The following DOCK8 variants were observed in gnomAD, a reference collection of about 807,000 sequenced individuals.
The protein encoded by DOCK8 is dedicator of cytokinesis protein 8.
A neutral mutation model predicts 245.6 loss-of-function variants in DOCK8; 141 were observed. The ratio of observed to expected loss-of-function variants is 0.57; its 90% CI spans 0.50 to 0.66. The LOEUF (loss-of-function observed/expected upper bound fraction) is 0.66. DOCK8 is among the 30% of genes least tolerant of loss of function. The probability of loss-of-function intolerance (pLI) is 0.00; values close to 1 mark genes in which losing one functional copy is unlikely to be tolerated. For missense variants in DOCK8, 2,965 were observed against 2,603.4 expected (o/e 1.14, Z -3.02); for synonymous variants, 1,168 against 970.2 (o/e 1.20, Z -3.79).
intron 14 of DOCK8, among the ~76,000 whole-genome samples, chr9:359,038 A>G (rs1212682340): frequency 6.6e-6 from 1 of 152,222 alleles, no homozygotes; most frequent in Non-Finnish European, 1.5e-5. Context: ...GTTAAAATGT[A>G]GGTTCTCATC....
At position 441,726 on chromosome 9, in the gene DOCK8, A is replaced by G. The variant is rs1031004650; in HGVS notation, c.5356-149A>G. ...TATTTCTGAAGTTTATTCCATAAGC[A>G]TTAAATTTTTTTAAGGAGTAATTTC... On this transcript the variant is annotated intron_variant, in intron 41 of 47. Coordinates refer to ENST00000432829, the MANE Select transcript of DOCK8 (RefSeq NM_203447.4). 34 of 1,032,408 alleles carry G rather than the reference A, an allele frequency of 3.3e-5. No homozygotes were observed. In the African/African-American group the frequency reaches 5.0e-4, roughly 15 times the overall value. 64.0% of individuals were successfully genotyped at this position (1,032,408 alleles called of 1,614,324 possible).
At chr9:353,208 A>T (rs1186258869) in intron 14 of DOCK8, among the ~76,000 whole-genome samples, 19 of 152,136 alleles carry the variant, frequency 1.2e-4, no homozygotes, top group Admixed American at 1.2e-3. Context: ...AAGTTCTCCT[A>T]CCTCCAAAAC....
Position 465,233 on chromosome 9 carries a change from T to C in DOCK8, c.*1014T>C, listed in dbSNP as rs530493285. On this transcript the variant is annotated 3_prime_UTR_variant, in exon 48 of 48. Coordinates refer to ENST00000432829, the MANE Select transcript of DOCK8 (RefSeq NM_203447.4). ...CTGTGACCTTGACTGATAATAAAGA[T>C]GTAATAAGAATTGCAAGCTAAATGT... 1.1e-3 allele frequency: 171 copies of C among 152,768 alleles called. 1 individual carries two copies. Among genetic ancestry groups the C allele is most frequent in the Middle Eastern group, 3.4e-3 (1 of 294 alleles). 9.5% of individuals were successfully genotyped at this position (152,768 alleles called of 1,614,324 possible). A position where few individuals can be genotyped will look rare whatever the true frequency, so the allele number is the denominator to read the frequency against.
intron 30 of DOCK8, among the ~76,000 whole-genome samples, chr9:418,558 G>T (rs1315052090): frequency 6.6e-6 from 1 of 152,178 alleles, no homozygotes; most frequent in Non-Finnish European, 1.5e-5. Flanking sequence ...GTGAGCCACT[G>T]TGCCCAGCCT....
At chr9:439,434 G>C in intron 40 of DOCK8, 46 bp downstream of exon 40, 1 of 1,606,844 alleles carries the variant, frequency 6.2e-7, no homozygotes, top group Non-Finnish European at 8.5e-7. Flanking sequence ...CCATACTCCA[G>C]CTGGACTTGG....
chr9:329,618 A>T (rs2050917210), intron 9 of DOCK8, among the ~76,000 whole-genome samples: 1 of 152,254 alleles, frequency 6.6e-6, no homozygotes, highest in African/African-American at 2.4e-5. Flanking sequence ...TTAGACATAC[A>T]GGAAAATTAA....
intron 1 of DOCK8, among the ~76,000 whole-genome samples, chr9:267,801 T>A (rs1037713309): frequency 6.6e-6 from 1 of 152,368 alleles, no homozygotes; most frequent in East Asian, 1.9e-4. Context: ...TTCTTTCCAA[T>A]GTGGGATGCT....
chr9:415,145 G>A (rs1320844226), intron 29 of DOCK8, among the ~76,000 whole-genome samples, 194 bp downstream of exon 29: 1 of 152,108 alleles, frequency 6.6e-6, no homozygotes, highest in Non-Finnish European at 1.5e-5. Context: ...AGCCCCATAT[G>A]TGTTTTTTGT....
chr9:270,611 G>A (rs372507800), intron 1 of DOCK8, among the ~76,000 whole-genome samples: 3 of 152,138 alleles, frequency 2.0e-5, no homozygotes, highest in African/African-American at 7.2e-5. Context: ...CCTAGCACAC[G>A]TTTTCACAGA....
At chr9:287,107 T>C (rs13283984) in intron 3 of DOCK8, among the ~76,000 whole-genome samples, 3,934 of 152,322 alleles carry the variant, frequency 0.026, 78 homozygotes, top group Non-Finnish European at 0.042. Flanking sequence ...AACCCACATT[T>C]ATTGAGCATC....
chr9:312,214 G>C (rs1250678320), intron 6 of DOCK8, 48 bp downstream of exon 6: 1 of 1,592,816 alleles, frequency 6.3e-7, no homozygotes, highest in Non-Finnish European at 8.6e-7. Context: ...AAGACTCTGA[G>C]AGTCATGTGG....
chr9:436,861 T>C (rs1023410327), intron 39 of DOCK8, among the ~76,000 whole-genome samples: 2 of 152,180 alleles, frequency 1.3e-5, no homozygotes, highest in African/African-American at 4.8e-5. Context: ...TTTGTTCAGT[T>C]ATAATTATGA....
intron 29 of DOCK8, among the ~76,000 whole-genome samples, chr9:415,789 G>A (rs1369934375): frequency 6.6e-6 from 1 of 152,056 alleles, no homozygotes; most frequent in African/African-American, 2.4e-5. Flanking sequence ...TGCTCTCTTG[G>A]CAGCTGAAGG....
intron 22 of DOCK8, among the ~76,000 whole-genome samples, chr9:384,255 G>C (rs1316956591): frequency 6.6e-6 from 1 of 152,056 alleles, no homozygotes; most frequent in Admixed American, 6.5e-5. Context: ...TGGAGTATAC[G>C]ATCCAACAGT....
intron 10 of DOCK8, among the ~76,000 whole-genome samples, chr9:333,146 T>C (rs542592411): frequency 2.6e-4 from 40 of 152,316 alleles, no homozygotes; most frequent in Non-Finnish European, 4.0e-4. Context: ...CTGGCCTTCC[T>C]CAACAGCATG....
chr9:259,014 A>C (rs546849595), intron 1 of DOCK8, among the ~76,000 whole-genome samples: 7 of 152,164 alleles, frequency 4.6e-5, no homozygotes, highest in Non-Finnish European at 1.0e-4. Context: ...AGAAAAAAAA[A>C]AACAACTCTC....
chr9:271,717 C>T lies in DOCK8; in HGVS notation c.144C>T (p.Pro48=). The T allele has an allele frequency of 2.6e-6, 4 of 1,550,814 alleles. No individual in the cohort carries two copies. Among genetic ancestry groups the T allele is most frequent in the Non-Finnish European group, 3.5e-6 (4 of 1,145,988 alleles). Residue 48 remains proline (P), a synonymous_variant, in exon 2 of 48, where the codon CCC becomes CCT. Coordinates refer to ENST00000432829, the MANE Select transcript of DOCK8 (RefSeq NM_203447.4). ...HRQSISTSGF[P]SLQLPQFYDP... is the part of the protein sequence containing the mutation. The stretch of plus-strand genomic sequence containing the variant: ...AGAGCATAAGTACCTCTGGCTTCCC[C>T]TCTCTTCAACTAGTAAGTATGAGTT...
intron 33 of DOCK8, among the ~76,000 whole-genome samples, chr9:424,404 CT>C (rs985334672): frequency 4.7e-5 from 7 of 149,134 alleles, no homozygotes; most frequent in South Asian, 2.1e-4. Context: ...CTTTTCTTTT[CT>C]TTTTTTTTTC....
chr9:309,768 C>A (rs953036132), intron 5 of DOCK8, among the ~76,000 whole-genome samples: 1 of 152,208 alleles, frequency 6.6e-6, no homozygotes, highest in South Asian at 2.1e-4. Context: ...GCATAACATT[C>A]AGCTTTGGTG....
Sources: gnomAD v4.1 joint callset for allele counts (sites outside exome capture counted in the v4.1 genomes callset) on GRCh38, gnomAD v4.1.1 for gene constraint, MANE v1.5 for transcripts, NCBI Gene and HGNC (gene_info 2026-07-23, HGNC 2026-07-21) for gene names.